Variants in LMOD1 observed in about 807,000 individuals in gnomAD.
LMOD1 encodes the protein leiomodin-1.
Under a neutral mutation model 36.5 loss-of-function variants are expected in LMOD1, and 8 were observed. That is an observed-to-expected ratio of 0.22 (90% CI 0.13 to 0.40). The LOEUF is 0.40. Ranked by LOEUF, LMOD1 falls within the 10% of genes least tolerant of loss-of-function variation. The pLI is 1.00. For missense variants in LMOD1, 630 were observed against 751.1 expected, an observed-to-expected ratio of 0.84 and a Z score of 1.88; for synonymous variants, 284 against 288.7, an observed-to-expected ratio of 0.98 and a Z score of 0.17.
intron 1 of LMOD1, among the ~76,000 whole-genome samples, chr1:201,906,346 C>T (rs117936553): frequency 6.6e-6 from 1 of 152,276 alleles, no homozygotes; most frequent in South Asian, 2.1e-4. Context: ...CTGCATCAGT[C>T]CCCCCACCCG....
intron 1 of LMOD1, among the ~76,000 whole-genome samples, chr1:201,941,078 G>A (rs1357476392): frequency 6.6e-6 from 1 of 150,482 alleles, no homozygotes; most frequent in Non-Finnish European, 1.5e-5. Flanking sequence ...GTAGAGATGG[G>A]GTTTCCCCAT....
chr1:201,904,873 C>G (rs1681387650), intron 1 of LMOD1, among the ~76,000 whole-genome samples: 1 of 152,132 alleles, frequency 6.6e-6, no homozygotes, highest in South Asian at 2.1e-4. Context: ...CTGAGCTCCT[C>G]GGAGCCGGCA....
At chr1:201,932,254 G>A (rs898311204) in intron 1 of LMOD1, among the ~76,000 whole-genome samples, 1 of 152,110 alleles carries the variant, frequency 6.6e-6, no homozygotes, top group African/African-American at 2.4e-5. Context: ...ACTGAGAGTA[G>A]GTAAGGCTAG....
At chr1:201,943,584 T>G (rs777849996) in intron 1 of LMOD1, among the ~76,000 whole-genome samples, 3 of 152,186 alleles carry the variant, frequency 2.0e-5, no homozygotes, top group Non-Finnish European at 4.4e-5. Context: ...CTCATTAAAC[T>G]GACAGGTGAG....
rs187836789 is a variant in LMOD1, at chr1:201,915,927, T to C, written c.262-15176A>G. ...GCCTTTCAGTGTCTAATGTCTGAAC[T>C]TTTTTTTTTTGATACAAGGTCTCAT... On this transcript the variant is annotated intron_variant, in intron 1 of 2. Transcript: ENST00000367288. 4.2e-3 allele frequency among the ~76,000 whole-genome samples: 610 copies of C among 146,704 alleles called. 2 individuals are homozygous for C. The highest frequency in any genetic ancestry group is 0.013 in the African/African-American group (514 of 40,502).
Position 201,901,534 on chromosome 1 carries a change from A to ATATATATATATACATATATATATG in LMOD1, c.262-784_262-783insCATATATATATGTATATATATATA, listed in dbSNP as rs1681305706. Among the ~76,000 whole-genome samples, 4 of 31,798 alleles carry ATATATATATATACATATATATATG rather than the reference A, an allele frequency of 1.3e-4. 1 individual carries two copies. The highest frequency in any genetic ancestry group is 4.9e-4 in the African/African-American group (4 of 8,148). 20.9% of individuals were successfully genotyped at this position (31,798 alleles called of 152,430 possible). A position where few individuals can be genotyped will look rare whatever the true frequency, so the allele number is the denominator to read the frequency against. On this transcript the variant is annotated intron_variant, in intron 1 of 2. Coordinates refer to ENST00000367288, the MANE Select transcript of LMOD1 (RefSeq NM_012134.3). ...AAAATATATATATATATATATGTAT[A>ATATATATATATACATATATATATG]TATATATATATATATATACATATAT...
chr1:201,936,340 G>C (rs750792081), intron 1 of LMOD1, among the ~76,000 whole-genome samples: 19 of 152,078 alleles, frequency 1.2e-4, no homozygotes, highest in Non-Finnish European at 1.9e-4. Flanking sequence ...GCATAAATTA[G>C]ATCACATCTC....
chr1:201,918,587 G>A (rs1571582588), intron 1 of LMOD1, among the ~76,000 whole-genome samples: 1 of 152,256 alleles, frequency 6.6e-6, no homozygotes, highest in African/African-American at 2.4e-5. Flanking sequence ...GCTCTCTTGG[G>A]TCTTGTTGCC....
Position 201,897,931 on chromosome 1 carries a change from A to C in LMOD1, c.*441T>G, listed in dbSNP as rs1681221787. 1 of 165,996 alleles carries C rather than the reference A, an allele frequency of 6.0e-6. No homozygotes were observed. Among genetic ancestry groups the C allele is most frequent in the Non-Finnish European group, 1.3e-5 (1 of 77,126 alleles). The allele number at this position is 165,996 out of a possible 1,614,324, so 10.3% of individuals were successfully genotyped here. ...CTCCATCTTTCTGCCATTTTCCCAC[A>C]CAGAGTGCCACTGGCCCAGCAGCTT... is the stretch of plus-strand genomic sequence containing the variant. On this transcript the variant is annotated 3_prime_UTR_variant, in exon 3 of 3. Coordinates refer to ENST00000367288, the MANE Select transcript of LMOD1 (RefSeq NM_012134.3).
At chr1:201,901,966 ATT>A (rs11349780) in intron 1 of LMOD1, among the ~76,000 whole-genome samples, 2,525 of 110,416 alleles carry the variant, frequency 0.023, 60 homozygotes, top group African/African-American at 0.063. Flanking sequence ...TATTATTATT[ATT>A]TTTTTTTTTT....
chr1:201,930,464 G>A (rs545597380), intron 1 of LMOD1, among the ~76,000 whole-genome samples: 3 of 152,288 alleles, frequency 2.0e-5, no homozygotes, highest in South Asian at 2.1e-4. Context: ...GATTGGAGCA[G>A]GACAGCCCAG....
chr1:201,920,614 T>C (rs1681687993), intron 1 of LMOD1, among the ~76,000 whole-genome samples: 1 of 152,050 alleles, frequency 6.6e-6, no homozygotes, highest in Non-Finnish European at 1.5e-5. Flanking sequence ...GATATTCTAC[T>C]GGAAGGGAGA....
rs760594447 is a variant in LMOD1 at position 201,900,360 on chromosome 1, T to C, written c.653A>G (p.Glu218Gly). The change falls in exon 2 of 3, where the codon GAG becomes GGG. Residue 218 changes from glutamate to glycine, a missense_variant. By Grantham distance (98) the Glu-to-Gly change is moderately conservative. Around this residue, in one of 3 missense-constraint regions of LMOD1, gnomAD observed 405 missense variants for 400.6 expected, o/e 1.01. Coordinates refer to ENST00000367288, the MANE Select transcript of LMOD1 (RefSeq NM_012134.3). ...REEMKEVAKKEDDEKVKGERR... is the reference protein window; with the variant it reads ...REEMKEVAKKGDDEKVKGERR... ...CTCCCCTTTTACCTTCTCATCATCC[T>C]CTTTCTTGGCCACCTCCTTCATCTC... is the stretch of plus-strand genomic sequence containing the variant. 1 of 1,567,258 alleles carries C rather than the reference T, an allele frequency of 6.4e-7. No homozygotes were observed. Among genetic ancestry groups the C allele is most frequent in the Non-Finnish European group, 8.7e-7 (1 of 1,154,974 alleles).
intron 1 of LMOD1, among the ~76,000 whole-genome samples, chr1:201,933,426 A>C (rs1349528969): frequency 6.6e-6 from 1 of 151,304 alleles, no homozygotes; most frequent in Non-Finnish European, 1.5e-5. Flanking sequence ...AAAAAAAAAA[A>C]ATGCTATAGA....
chr1:201,937,454 CAAACAAAAAAAAACAA>C (rs1682036699), intron 1 of LMOD1, among the ~76,000 whole-genome samples: 1 of 149,910 alleles, frequency 6.7e-6, no homozygotes, highest in Non-Finnish European at 1.5e-5. Context: ...CTCAAACAAA[CAAACAAAAAAAAACAA>C]AAACAAAAAA....
At chr1:201,901,490 GA>G (rs1218786755) in intron 1 of LMOD1, among the ~76,000 whole-genome samples, 1 of 121,032 alleles carries the variant, frequency 8.3e-6, no homozygotes, top group Non-Finnish European at 1.7e-5. Context: ...CAACAAGAGC[GA>G]AACTCTGTCT....
At chr1:201,905,570 G>A (rs1294503014) in intron 1 of LMOD1, among the ~76,000 whole-genome samples, 1 of 152,230 alleles carries the variant, frequency 6.6e-6, no homozygotes, top group East Asian at 1.9e-4. Flanking sequence ...GAGAGCAAGG[G>A]CCAGAGCCTC....
chr1:201,920,395 C>T (rs1681684671), intron 1 of LMOD1, among the ~76,000 whole-genome samples: 1 of 152,014 alleles, frequency 6.6e-6, no homozygotes, highest in Admixed American at 6.6e-5. Flanking sequence ...GTGAATTGTT[C>T]TGGAAAGACA....
At chr1:201,945,451 T>C (rs1682193961) in intron 1 of LMOD1, among the ~76,000 whole-genome samples, 1 of 152,006 alleles carries the variant, frequency 6.6e-6, no homozygotes, top group African/African-American at 2.4e-5. Context: ...AAAAACCAAC[T>C]AACCACAACA....
Sources: allele counts gnomAD v4.1 joint callset (sites outside exome capture counted in the v4.1 genomes callset), GRCh38; gene constraint gnomAD v4.1.1; regional missense constraint gnomAD v4.1.1; transcripts MANE v1.5; gene names NCBI Gene and HGNC (gene_info 2026-07-23, HGNC 2026-07-21).